MX2: variants seen among roughly 807,000 people sequenced by gnomAD.
The protein encoded by MX2 is MX dynamin like GTPase 2.
A neutral mutation model predicts 74.0 loss-of-function variants in MX2; 51 were observed. That is an observed-to-expected ratio of 0.69 (90% CI 0.55 to 0.87). MX2 has a LOEUF of 0.87. Among genes scored for constraint, MX2 ranks in the 40% least tolerant of loss-of-function variants. MX2 has a pLI of 0.00. For missense variants in MX2, 832 were observed against 908.7 expected (o/e 0.92, Z 1.09); for synonymous variants, 369 against 339.3 (o/e 1.09, Z -0.96).
intron 4 of MX2, among the ~76,000 whole-genome samples, 174 bp from the exon 5 acceptor site, chr21:41,382,236 C>T (rs927320058): frequency 6.6e-6 from 1 of 151,812 alleles, no homozygotes; most frequent in Non-Finnish European, 1.5e-5. Context: ...ATTAAACAGC[C>T]ATCTTGGTGG....
At chr21:41,397,817 G>A in intron 8 of MX2, 126 bp downstream of exon 8, 1 of 715,736 alleles carries the variant, frequency 1.4e-6, no homozygotes, top group Non-Finnish European at 2.3e-6. Context: ...TCTGAACACT[G>A]TCTCACTCAC....
Position 41,402,843 on chromosome 21 carries a change from G to A in MX2, c.1574-424G>A. 5.5e-6 allele frequency: 1 copy of A among 183,416 alleles called. No homozygotes were observed. Among genetic ancestry groups the A allele is most frequent in the South Asian group, 1.1e-4 (1 of 8,732 alleles). The allele number at this position is 183,416 out of a possible 1,614,324, so 11.4% of individuals were successfully genotyped here. A position where few individuals can be genotyped will look rare whatever the true frequency, so the allele number is the denominator to read the frequency against. On this transcript the variant is annotated intron_variant, in intron 11 of 13. Transcript: ENST00000330714. This position sits in a 1 kb window ranked among gnomAD's most constrained non-coding sequence, Gnocchi z 4.5. ...AAGGAACACGCAACCTAGATCCCTC[G>A]CACGTGCAGCTCACAACAGGGTTTG...
At chr21:41,403,002 T>C in intron 11 of MX2, 3 of 401,734 alleles carry the variant, frequency 7.5e-6, no homozygotes, top group Middle Eastern at 7.4e-4. Context: ...TGGGGACCCC[T>C]GATGTAAGGA....
At chr21:41,364,907 C>T (rs1161138988) in intron 1 of MX2, 1 of 152,080 alleles carries the variant, frequency 6.6e-6, no homozygotes, top group African/African-American at 2.4e-5. Flanking sequence ...ATGGTGCCCA[C>T]CTAGACTGAA....
rs17765580 is a variant in MX2 at position 41,363,827 on chromosome 21, C to T, written c.-72+1772C>T. The T allele has an allele frequency of 0.025, 3,901 of 155,346 alleles. 66 individuals are homozygous for T. The highest frequency in any genetic ancestry group is 0.04 in the Non-Finnish European group (2,764 of 68,354). 9.6% of individuals were successfully genotyped at this position (155,346 alleles called of 1,614,324 possible). On this transcript the variant is annotated intron_variant, in intron 1 of 13. Transcript: ENST00000330714. This position sits in a 1 kb window ranked among gnomAD's most constrained non-coding sequence, Gnocchi z 4.2. ...TTTCCATCCTTCCCAGGGGTGCTTA[C>T]GTGATCCTGGCAGTCTCAGTCAAAC...
intron 3 of MX2, 76 bp from the exon 4 acceptor site, chr21:41,379,940 GC>G (rs2089465241): frequency 5.1e-6 from 8 of 1,568,722 alleles, no homozygotes; most frequent in Non-Finnish European, 6.9e-6. Flanking sequence ...GGACAGCAGG[GC>G]AGGTTCTGGG....
rs1157297084 is a variant in MX2 at position 41,409,020 on chromosome 21, T to A, written c.*787T>A. On this transcript the variant is annotated 3_prime_UTR_variant, in exon 14 of 14. Coordinates refer to ENST00000330714, the MANE Select transcript of MX2 (RefSeq NM_002463.2). ...CAGAAGGATCACTTGAGCCCAGGAGTTCAAGACCAGACTGGGCAACACAGG... is the reference window on the plus strand; with the variant it reads ...CAGAAGGATCACTTGAGCCCAGGAGATCAAGACCAGACTGGGCAACACAGG... 6.6e-6 allele frequency: 1 copy of A among 151,402 alleles called. No homozygotes were observed. The highest frequency in any genetic ancestry group is 2.4e-5 in the African/African-American group (1 of 41,128). The allele number at this position is 151,402 out of a possible 1,614,324, so 9.4% of individuals were successfully genotyped here. A position where few individuals can be genotyped will look rare whatever the true frequency, so the allele number is the denominator to read the frequency against.
Position 41,366,893 on chromosome 21 carries a change from A to C in MX2, c.-72+4838A>C, listed in dbSNP as rs1271319203. 1 of 152,556 alleles carries C rather than the reference A, an allele frequency of 6.6e-6. No homozygotes were observed. The highest frequency in any genetic ancestry group is 2.4e-5 in the African/African-American group (1 of 41,410). 9.5% of individuals were successfully genotyped at this position (152,556 alleles called of 1,614,324 possible). A position where few individuals can be genotyped will look rare whatever the true frequency, so the allele number is the denominator to read the frequency against. ...AGCTGTGACTCACTGTTGACATGGC[A>C]ACCCCCACCCCCTGGACTCCTCGCT... On this transcript the variant is annotated intron_variant, in intron 1 of 13. Transcript: ENST00000330714. The surrounding 1 kb of genome is among the most constrained non-coding windows in gnomAD (Gnocchi z 4.5).
intron 1 of MX2, chr21:41,373,959 C>G (rs77041253): frequency 6.6e-6 from 1 of 152,488 alleles, no homozygotes; most frequent in Non-Finnish European, 1.5e-5. Flanking sequence ...TCCTGCACAG[C>G]GCAGTCCCTG....
Position 41,380,005 on chromosome 21 carries a change from C to T in MX2, c.443-12C>T. 1 of 1,613,332 alleles carries T rather than the reference C, an allele frequency of 6.2e-7. No homozygotes were observed. The highest frequency in any genetic ancestry group is 8.5e-7 in the Non-Finnish European group (1 of 1,179,582). On this transcript the variant is annotated splice_polypyrimidine_tract_variant and intron_variant, in intron 3 of 13. Coordinates refer to ENST00000330714, the MANE Select transcript of MX2 (RefSeq NM_002463.2). The surrounding 1 kb of genome is among the most constrained non-coding windows in gnomAD (Gnocchi z 4.3). ...AAGGAAACTGAGGATATTTGGGGAA[C>T]CTCTCGCTCAGGAATCGTAACCAGG...
chr21:41,395,728 G>C lies in MX2; in HGVS notation c.1013G>C (p.Ser338Thr), dbSNP rs1260677750. 1.2e-6 allele frequency: 2 copies of C among 1,614,098 alleles called. No individual in the cohort carries two copies. The highest frequency in any genetic ancestry group is 2.7e-5 in the African/African-American group (2 of 74,920). ...CAGCAGGAGATCACAAACAGGCTGAGCTTGGCAGAGGCAACCAAGAAAGAA... is the reference window on the plus strand; with the variant it reads ...CAGCAGGAGATCACAAACAGGCTGACCTTGGCAGAGGCAACCAAGAAAGAA... Reference protein sequence around the residue: ...RGQQEITNRLSLAEATKKEIT... With the variant: ...RGQQEITNRLTLAEATKKEIT... Residue 338 changes from serine to threonine, a missense_variant, in exon 7 of 14, where the codon AGC (serine) becomes ACC (threonine). Ser to Thr is a moderately conservative substitution (Grantham distance 58). Transcript: ENST00000330714.
chr21:41,404,923 A>C (rs2089866193), intron 12 of MX2: 2 of 151,836 alleles, frequency 1.3e-5, no homozygotes, highest in Non-Finnish European at 2.9e-5. Flanking sequence ...AAGAACAAAC[A>C]AACCAGCACC....
chr21:41,407,208 CA>C (rs2089898861), intron 13 of MX2, among the ~76,000 whole-genome samples: 2 of 152,216 alleles, frequency 1.3e-5, no homozygotes, highest in South Asian at 4.1e-4. Context: ...AATTTGCCCA[CA>C]ATCAATTTTT....
chr21:41,398,737 G>T (rs1159637731), intron 8 of MX2, among the ~76,000 whole-genome samples, 160 bp from the exon 9 acceptor site: 1 of 152,184 alleles, frequency 6.6e-6, no homozygotes, highest in Admixed American at 6.5e-5. Context: ...AGTCAAGGTG[G>T]CCTACACATG....
At position 41,408,159 on chromosome 21, in the gene MX2, C is replaced by T. The variant is rs2089911279; in HGVS notation, c.2074C>T (p.Leu692Phe). Reference sequence around the variant, plus strand: ...TGAGACCGCTACCAAGAGAAGAATCCTTAAGGAGAGAATTTACCGGCTCAC... The same window carrying T: ...TGAGACCGCTACCAAGAGAAGAATCTTTAAGGAGAGAATTTACCGGCTCAC... Reference protein sequence around the residue: ...QSETATKRRILKERIYRLTQA... With the variant: ...QSETATKRRIFKERIYRLTQA... The change falls in exon 14 of 14, where the codon CTT becomes TTT. Residue 692 changes from leucine to phenylalanine, a missense_variant. Leu to Phe is a conservative substitution (Grantham distance 22). Coordinates refer to ENST00000330714, the MANE Select transcript of MX2 (RefSeq NM_002463.2). 1.9e-6 allele frequency: 3 copies of T among 1,614,216 alleles called. No individual in the cohort carries two copies. The highest frequency in any genetic ancestry group is 2.5e-6 in the Non-Finnish European group (3 of 1,180,034).
rs139898288 is a variant in MX2 at position 41,397,671 on chromosome 21, G to A, written c.1129G>A (p.Glu377Lys). The A allele has an allele frequency of 1.2e-6, 2 of 1,614,120 alleles. No individual in the cohort carries two copies. Among genetic ancestry groups the A allele is most frequent in the Non-Finnish European group, 1.7e-6 (2 of 1,179,978 alleles). ...VPRLAERLTT[E>K]LIMHIQKSLP... ...CCGACTGGCAGAAAGACTTACCACT[G>A]AACTCATCATGCATATCCAAGTGAG... Residue 377 changes from glutamate to lysine, a missense_variant, in exon 8 of 14, where the codon GAA (glutamate) becomes AAA (lysine). Physicochemically the swap from Glu to Lys is moderately conservative, Grantham distance 56. Coordinates refer to ENST00000330714, the MANE Select transcript of MX2 (RefSeq NM_002463.2).
intron 1 of MX2, chr21:41,367,173 G>A (rs545063096): frequency 4.6e-5 from 7 of 152,268 alleles, no homozygotes; most frequent in South Asian, 2.1e-4. Context: ...TGGATTCACC[G>A]GGAGAGTAAA....
In MX2 at chr21:41,406,996, T is replaced by C; in HGVS notation, c.1903T>C (p.Leu635=). The change falls in exon 13 of 14, where the codon TTG becomes CTG. Residue 635 remains leucine, a splice_region_variant and synonymous_variant. Transcript: ENST00000330714. ...EIGIHLNAYF[L]ETSKRLANQI... is the part of the protein sequence containing the mutation. ...AGGCATCCACCTGAATGCCTACTTCTTGGTGAGTTCCCGGCGGGGCAGGAG... is the reference window on the plus strand; with the variant it reads ...AGGCATCCACCTGAATGCCTACTTCCTGGTGAGTTCCCGGCGGGGCAGGAG... 1 of 1,610,716 alleles carries C rather than the reference T, an allele frequency of 6.2e-7. No homozygotes were observed. The highest frequency in any genetic ancestry group is 8.5e-7 in the Non-Finnish European group (1 of 1,177,040).
rs1473305586 is a variant in MX2, at chr21:41,380,174, T to C, written c.577+23T>C. ...AAGGTGGGCCCACGTCATTCTGAGG[T>C]TCGGATCTGGCAGCCGCTCCTCTCA... On this transcript the variant is annotated intron_variant, in intron 4 of 13. Transcript: ENST00000330714. This position sits in a 1 kb window ranked among gnomAD's most constrained non-coding sequence, Gnocchi z 4.3. 6.2e-7 allele frequency: 1 copy of C among 1,613,046 alleles called. No individual in the cohort carries two copies. The highest frequency in any genetic ancestry group is 8.5e-7 in the Non-Finnish European group (1 of 1,179,402).
Sources: allele counts gnomAD v4.1 joint callset (sites outside exome capture counted in the v4.1 genomes callset), GRCh38; gene constraint gnomAD v4.1.1; non-coding constraint Gnocchi (gnomAD v3.1); transcripts MANE v1.5; gene names NCBI Gene and HGNC (gene_info 2026-07-23, HGNC 2026-07-21).